Variants in PRIM2 observed in about 807,000 individuals in gnomAD.
PRIM2 encodes the protein DNA primase subunit 2.
Under a neutral mutation model 67.3 loss-of-function variants are expected in PRIM2, and 39 were observed. The observed-to-expected ratio is 0.58, with a 90% CI of 0.45 to 0.76. PRIM2 has a LOEUF of 0.76. Among genes scored for constraint, PRIM2 ranks in the 30% least tolerant of loss-of-function variants. The probability of loss-of-function intolerance (pLI) is 0.00; values close to 1 mark genes in which losing one functional copy is unlikely to be tolerated. For missense variants in PRIM2, 398 were observed against 598.7 expected (o/e 0.66, Z 3.50); for synonymous variants, 143 against 198.7 (o/e 0.72, Z 2.36).
intron 8 of PRIM2, among the ~76,000 whole-genome samples, chr6:57,529,101 G>A (rs1774830075): frequency 6.6e-6 from 1 of 152,020 alleles, no homozygotes; most frequent in Non-Finnish European, 1.5e-5. Context: ...ACGAGGTCAG[G>A]AGATCAACAC....
the PRIM2 span, among the ~76,000 whole-genome samples, chr6:57,264,783 A>C: frequency 6.6e-6 from 1 of 151,566 alleles, no homozygotes; most frequent in Non-Finnish European, 1.5e-5. Flanking sequence ...TTTTTAGTAG[A>C]TATACGGTTT....
chr6:57,570,869 T>G (rs1475555139), intron 10 of PRIM2, among the ~76,000 whole-genome samples: 19 of 152,294 alleles, frequency 1.2e-4, no homozygotes, highest in African/African-American at 4.6e-4. Flanking sequence ...TAAACTTTCT[T>G]CATCTTCAGG....
intron 7 of PRIM2, among the ~76,000 whole-genome samples, chr6:57,414,369 G>T (rs1771191006): frequency 6.6e-6 from 1 of 152,084 alleles, no homozygotes; most frequent in Admixed American, 6.5e-5. Flanking sequence ...AGTGTTTATT[G>T]AATGAACTAC....
chr6:57,510,292 G>GT (rs1337454671), intron 8 of PRIM2, among the ~76,000 whole-genome samples: 5 of 151,928 alleles, frequency 3.3e-5, no homozygotes, highest in East Asian at 1.9e-4. Context: ...AAATTTTGTT[G>GT]TTTTTTTCTG....
intron 12 of PRIM2, among the ~76,000 whole-genome samples, chr6:57,608,304 A>T (rs1776597449): frequency 6.6e-6 from 1 of 152,166 alleles, no homozygotes; most frequent in Non-Finnish European, 1.5e-5. Flanking sequence ...GAGAACTAAG[A>T]AAAGGTGGTT....
chr6:57,525,707 G>C (rs1554349302), intron 8 of PRIM2, among the ~76,000 whole-genome samples: 1 of 151,966 alleles, frequency 6.6e-6, no homozygotes, highest in Non-Finnish European at 1.5e-5. Context: ...CTTTAATGCT[G>C]CACACATTGC....
At chr6:57,371,996 T>C (rs1769577391) in intron 5 of PRIM2, among the ~76,000 whole-genome samples, 2 of 152,246 alleles carry the variant, frequency 1.3e-5, no homozygotes, top group African/African-American at 4.8e-5. Context: ...GAAAGCAAAA[T>C]AATCTGGCTT....
chr6:57,301,998 T>A, the PRIM2 span, among the ~76,000 whole-genome samples: 1 of 152,192 alleles, frequency 6.6e-6, no homozygotes, highest in Non-Finnish European at 1.5e-5. Flanking sequence ...CAGAAGACAT[T>A]CCTATTTACT....
chr6:57,438,795 C>T (rs72873556), intron 7 of PRIM2, among the ~76,000 whole-genome samples: 2 of 150,672 alleles, frequency 1.3e-5, no homozygotes, highest in South Asian at 2.1e-4. Flanking sequence ...TTGGGGGAAA[C>T]GGAGTCTCTC....
chr6:57,546,917 T>C (rs1775299750), intron 10 of PRIM2, among the ~76,000 whole-genome samples: 1 of 152,174 alleles, frequency 6.6e-6, no homozygotes, highest in Non-Finnish European at 1.5e-5. Flanking sequence ...TTGATATATT[T>C]AAAATGTTAA....
At chr6:57,468,652 C>A (rs1773263739) in intron 7 of PRIM2, among the ~76,000 whole-genome samples, 1 of 151,926 alleles carries the variant, frequency 6.6e-6, no homozygotes, top group South Asian at 2.1e-4. Context: ...ATAATATGGC[C>A]CAGGGGTTTG....
the PRIM2 span, among the ~76,000 whole-genome samples, chr6:57,274,586 G>A: frequency 1.4e-4 from 21 of 152,334 alleles, no homozygotes; most frequent in East Asian, 3.5e-3. Context: ...CGGGTGATGC[G>A]AAGCCTCGCC....
intron 5 of PRIM2, among the ~76,000 whole-genome samples, chr6:57,359,539 T>C (rs1202457491): frequency 1.3e-5 from 2 of 152,186 alleles, no homozygotes; most frequent in African/African-American, 4.8e-5. Context: ...AGAGCTGTAA[T>C]ACAATGGCTG....
At chr6:57,464,216 G>A (rs1037699363) in intron 7 of PRIM2, among the ~76,000 whole-genome samples, 3 of 152,030 alleles carry the variant, frequency 2.0e-5, no homozygotes, top group South Asian at 2.1e-4. Flanking sequence ...TTCCTTCCCC[G>A]ATATTCTGTA....
At chr6:57,222,932 T>C in the PRIM2 span, among the ~76,000 whole-genome samples, 1 of 152,174 alleles carries the variant, frequency 6.6e-6, no homozygotes, top group Non-Finnish European at 1.5e-5. Flanking sequence ...GGCCCCGCAG[T>C]TCCACGCCTG....
Position 57,320,481 on chromosome 6 carries a change from G to T in PRIM2, c.179G>T (p.Gly60Val), listed in dbSNP as rs751254249. The part of the protein sequence containing the change: ...VKLLKSVENL[G>V]VSYVKGTEQY... The stretch of plus-strand genomic sequence containing the variant: ...GTGTTAAAATCAGTTGAAAATCTTG[G>T]AGTGAGCTATGTGAAAGGAACTGAA... The change falls in exon 3 of 14, where the codon GGA (glycine) becomes GTA (valine). Residue 60 changes from glycine to valine, a missense_variant. Coordinates refer to ENST00000615550, the MANE Select transcript of PRIM2 (RefSeq NM_000947.5). 6.2e-7 allele frequency: 1 copy of T among 1,606,140 alleles called. No individual in the cohort carries two copies.
At chr6:57,312,011 GGGGAGAGGGGAGAGGGGAGAC>G, upstream of PRIM2, among the ~76,000 whole-genome samples, 2 of 106,780 alleles carry the variant, frequency 1.9e-5, no homozygotes, top group Non-Finnish European at 3.7e-5. Context: ...ACCGTAGAAA[GGGGAGAGGGGAGAGGGGAGAC>G]GGGAGAGGGG....
At chr6:57,623,308 C>A (rs1406244498) in intron 12 of PRIM2, among the ~76,000 whole-genome samples, 3 of 152,062 alleles carry the variant, frequency 2.0e-5, no homozygotes, top group Admixed American at 2.0e-4. Context: ...TTCTTATAGG[C>A]TGAAGATAAA....
At chr6:57,332,445 C>G (rs1768083205) in intron 5 of PRIM2, among the ~76,000 whole-genome samples, 1 of 152,094 alleles carries the variant, frequency 6.6e-6, no homozygotes, top group East Asian at 1.9e-4. Context: ...CCTATTTGTT[C>G]TATCCATTAT....
Sources: allele counts gnomAD v4.1 joint callset (sites outside exome capture counted in the v4.1 genomes callset), GRCh38; gene constraint gnomAD v4.1.1; transcripts MANE v1.5; gene names NCBI Gene and HGNC (gene_info 2026-07-23, HGNC 2026-07-21).